Variants in SMYD3 observed in about 807,000 individuals in gnomAD.
SMYD3 encodes the protein histone-lysine N-methyltransferase SMYD3.
Under a neutral mutation model 57.7 loss-of-function variants are expected in SMYD3, and 36 were observed. The observed-to-expected ratio is 0.62, with a 90% confidence interval of 0.48 to 0.82. The LOEUF (loss-of-function observed/expected upper bound fraction) is 0.82, where lower values mean the gene tolerates loss of function less well. Ranked by LOEUF, SMYD3 falls within the 40% of genes least tolerant of loss-of-function variation. The probability of loss-of-function intolerance (pLI) is 0.00; values close to 1 mark genes in which losing one functional copy is unlikely to be tolerated. For synonymous variants in SMYD3, 211 were observed against 195.0 expected (o/e 1.08, Z -0.68); for missense variants, 515 against 538.8 (o/e 0.96, Z 0.44).
intron 5 of SMYD3, among the ~76,000 whole-genome samples, chr1:246,095,441 T>C (rs2060898020): frequency 6.6e-6 from 1 of 152,216 alleles, no homozygotes; most frequent in African/African-American, 2.4e-5. Flanking sequence ...AAATGTAATA[T>C]GCAACGATAA....
chr1:245,973,778 G>A (rs895495392), intron 5 of SMYD3, among the ~76,000 whole-genome samples: 1 of 152,152 alleles, frequency 6.6e-6, no homozygotes, highest in South Asian at 2.1e-4. Context: ...TGATCGGCAC[G>A]AGGAAATCTA....
At chr1:246,254,864 C>T (rs183340053) in intron 5 of SMYD3, among the ~76,000 whole-genome samples, 1 of 152,214 alleles carries the variant, frequency 6.6e-6, no homozygotes, top group East Asian at 1.9e-4. Flanking sequence ...TAGATGTATT[C>T]CTAGGTGTTG....
intron 5 of SMYD3, among the ~76,000 whole-genome samples, chr1:246,302,970 G>A (rs913721851): frequency 6.6e-5 from 10 of 152,130 alleles, no homozygotes; most frequent in Non-Finnish European, 1.5e-4. Flanking sequence ...AAATATGTGG[G>A]TCTTCTACGG....
chr1:246,064,847 T>C (rs553336664), intron 5 of SMYD3, among the ~76,000 whole-genome samples: 1 of 152,382 alleles, frequency 6.6e-6, no homozygotes, highest in East Asian at 1.9e-4. Flanking sequence ...CCTCTTTGCA[T>C]TGGCTTTGTT....
intron 1 of SMYD3, among the ~76,000 whole-genome samples, chr1:246,415,836 T>TTAC (rs2067053123): frequency 6.6e-6 from 1 of 151,994 alleles, no homozygotes; most frequent in Non-Finnish European, 1.5e-5. Context: ...AGTTTATTTA[T>TTAC]CTATTGCCAC....
chr1:246,118,740 A>T (rs4654202), intron 5 of SMYD3, among the ~76,000 whole-genome samples: 127,023 of 151,208 alleles, frequency 0.84, 53,548 homozygotes, highest in Admixed American at 0.89. Flanking sequence ...ATTTTTTTTT[A>T]AAATGTGTGC....
At chr1:246,259,186 T>C (rs2148517028) in intron 5 of SMYD3, among the ~76,000 whole-genome samples, 1 of 152,352 alleles carries the variant, frequency 6.6e-6, no homozygotes, top group South Asian at 2.1e-4. Flanking sequence ...AATTCATGCT[T>C]TGAATTACTT....
At chr1:246,036,632 C>G (rs1008648505) in intron 5 of SMYD3, among the ~76,000 whole-genome samples, 7 of 151,240 alleles carry the variant, frequency 4.6e-5, no homozygotes, top group Non-Finnish European at 8.8e-5. Context: ...CGGCTCACTG[C>G]AAGCTCCACC....
intron 1 of SMYD3, among the ~76,000 whole-genome samples, chr1:246,395,213 C>A (rs1558442474): frequency 6.6e-6 from 1 of 152,194 alleles, no homozygotes; most frequent in Non-Finnish European, 1.5e-5. Context: ...TACCACTATC[C>A]CCAAGCAACC....
chr1:245,835,853 A>G (rs929471765), intron 10 of SMYD3, among the ~76,000 whole-genome samples: 1 of 152,180 alleles, frequency 6.6e-6, no homozygotes, highest in Non-Finnish European at 1.5e-5. Context: ...CTCTCTGGAC[A>G]TTATCATGGC....
At chr1:246,462,033 G>A (rs1229677087) in intron 1 of SMYD3, among the ~76,000 whole-genome samples, 3 of 152,266 alleles carry the variant, frequency 2.0e-5, no homozygotes, top group Non-Finnish European at 2.9e-5. Context: ...TGGTAGGGAG[G>A]GCAAGGAAGG....
chr1:246,118,730 A>G (rs371723390), intron 5 of SMYD3, among the ~76,000 whole-genome samples: 1 of 150,298 alleles, frequency 6.7e-6, no homozygotes, highest in Non-Finnish European at 1.5e-5. Context: ...GAGACTCCCA[A>G]TTTTTTTTTA....
At chr1:246,159,537 G>C (rs1044925133) in intron 5 of SMYD3, among the ~76,000 whole-genome samples, 1 of 152,078 alleles carries the variant, frequency 6.6e-6, no homozygotes, top group East Asian at 1.9e-4. Context: ...CTTTTAACTG[G>C]CATGAATGGG....
chr1:246,088,194 A>G (rs922420659), intron 5 of SMYD3, among the ~76,000 whole-genome samples: 15 of 152,080 alleles, frequency 9.9e-5, no homozygotes. Context: ...AAGGTAACCC[A>G]GGTAAAAGCG....
intron 10 of SMYD3, among the ~76,000 whole-genome samples, chr1:245,833,782 A>G (rs181554618): frequency 4.1e-4 from 63 of 152,356 alleles, no homozygotes; most frequent in African/African-American, 1.4e-3. Context: ...GGACAACCTC[A>G]GCGTCCTGGC....
chr1:245,889,072 C>A (rs1260226378), intron 8 of SMYD3, among the ~76,000 whole-genome samples: 2 of 152,092 alleles, frequency 1.3e-5, no homozygotes, highest in Non-Finnish European at 2.9e-5. Context: ...AACCTCTTTC[C>A]ATATCCCAAC....
intron 10 of SMYD3, among the ~76,000 whole-genome samples, chr1:245,798,491 C>A (rs1353850762): frequency 1.1e-5 from 1 of 94,748 alleles, no homozygotes; most frequent in Non-Finnish European, 2.3e-5. Flanking sequence ...ACACCACACA[C>A]ACACACACAC....
chr1:246,104,688 A>T (rs1047624633), intron 5 of SMYD3, among the ~76,000 whole-genome samples: 13 of 152,178 alleles, frequency 8.5e-5, no homozygotes, highest in African/African-American at 3.1e-4. Flanking sequence ...AAGCAAAGGG[A>T]GTAAAATAAG....
In SMYD3 at chr1:246,433,309, AGAGAT is replaced by A. The variant is rs1247405402; in HGVS notation, c.164+73740_164+73744del. Among the ~76,000 whole-genome samples the A allele has an allele frequency of 5.3e-5, 8 of 152,352 alleles. No homozygotes were observed. The East Asian group carries it at 1.5e-3, about 29-fold the overall frequency. On this transcript the variant is annotated intron_variant, in intron 1 of 11. Coordinates refer to ENST00000490107, the MANE Select transcript of SMYD3 (RefSeq NM_001167740.2). ...CTACAAAACACTGCTGAAAGAAATC[AGAGAT>A]GTCACAAACAAGTGGAAAAACATTC... is the stretch of plus-strand genomic sequence containing the variant.
Sources: allele counts gnomAD v4.1 joint callset (sites outside exome capture counted in the v4.1 genomes callset), GRCh38; gene constraint gnomAD v4.1.1; transcripts MANE v1.5; gene names NCBI Gene and HGNC (gene_info 2026-07-23, HGNC 2026-07-21).